EMSY: variants seen among roughly 807,000 people sequenced by gnomAD.
EMSY encodes the protein EMSY transcriptional repressor, BRCA2 interacting, also known as BRCA2-interacting transcriptional repressor EMSY.
In EMSY, 26 loss-of-function variants were observed where a neutral mutation model predicts 134.6. The observed-to-expected ratio is 0.19, with a 90% CI of 0.14 to 0.27. The LOEUF (loss-of-function observed/expected upper bound fraction) is 0.27. Ranked by LOEUF, EMSY falls within the 10% of genes least tolerant of loss-of-function variation. The pLI is 1.00. For missense variants in EMSY, 1,305 were observed against 1,611.4 expected (o/e 0.81, Z 3.26); for synonymous variants, 579 against 577.8 (o/e 1.00, Z -0.03).
chr11:76,513,621 G>T lies in EMSY; in HGVS notation c.1513+86G>T, dbSNP rs960057303. The T allele has an allele frequency of 2.1e-6, 3 of 1,412,410 alleles. No individual in the cohort carries two copies. In the African/African-American group the frequency reaches 4.3e-5, roughly 20 times the overall value. The allele number at this position is 1,412,410 out of a possible 1,614,324, so 87.5% of individuals were successfully genotyped here. On this transcript the variant is annotated intron_variant, in intron 10 of 20. Transcript: ENST00000334736. ...TACCAGCAATATGCTTGACACTTGG[G>T]ATATAGAGATTAATGGGACAGTTTT...
In EMSY at chr11:76,453,402, C is replaced by G; in HGVS notation, c.245+14C>G. Reference sequence around the variant, plus strand: ...AATTGCACATAAGTAAGCCATTAGTCGTACCATCCCTGATTTTTTATGACA... The same window carrying G: ...AATTGCACATAAGTAAGCCATTAGTGGTACCATCCCTGATTTTTTATGACA... On this transcript the variant is annotated intron_variant, in intron 4 of 20. Coordinates refer to ENST00000334736, the Ensembl canonical transcript of EMSY. The G allele has an allele frequency of 6.2e-7, 1 of 1,608,560 alleles. No homozygotes were observed. Among genetic ancestry groups the G allele is most frequent in the Non-Finnish European group, 8.5e-7 (1 of 1,176,322 alleles).
At chr11:76,505,981 T>C (rs1477053602) in intron 9 of EMSY, among the ~76,000 whole-genome samples, 2 of 152,074 alleles carry the variant, frequency 1.3e-5, no homozygotes, top group Non-Finnish European at 2.9e-5. Context: ...CTGGGCAACA[T>C]GGCAAGACCC....
chr11:76,540,387 ACTAT>A (rs1565362107), intron 17 of EMSY, among the ~76,000 whole-genome samples: 1 of 152,092 alleles, frequency 6.6e-6, no homozygotes, highest in Non-Finnish European at 1.5e-5. Flanking sequence ...GTAAACCTTG[ACTAT>A]CTTTTTTTCG....
At position 76,458,197 on chromosome 11, in the gene EMSY, A is replaced by G. The variant is rs751758697; in HGVS notation, c.260A>G (p.Asn87Ser). 1.9e-6 allele frequency: 3 copies of G among 1,613,358 alleles called. No homozygotes were observed. The South Asian group carries it at 3.3e-5, about 18-fold the overall frequency. Residue 87 changes from asparagine (N) to serine (S), a missense_variant, in exon 5 of 21, where the codon AAT becomes AGT. Coordinates refer to ENST00000334736, the Ensembl canonical transcript of EMSY. Reference sequence around the variant, plus strand: ...TTTTTGTTTAGTATGTCTGGACCTAATAGCTCTTCAGAATGGTCCATTGAA... The same window carrying G: ...TTTTTGTTTAGTATGTCTGGACCTAGTAGCTCTTCAGAATGGTCCATTGAA...
intron 9 of EMSY, among the ~76,000 whole-genome samples, chr11:76,502,260 C>T (rs1949892631): frequency 7.8e-6 from 1 of 127,594 alleles, no homozygotes; most frequent in Admixed American, 9.0e-5. Flanking sequence ...CCATATTATA[C>T]CAGAGGCTCA....
chr11:76,523,863 A>T (rs1394384275), intron 12 of EMSY, among the ~76,000 whole-genome samples: 3 of 151,716 alleles, frequency 2.0e-5, no homozygotes, highest in Non-Finnish European at 2.9e-5. Flanking sequence ...TTGGCAACAA[A>T]GCAAGACCCC....
chr11:76,535,187 AAG>A (rs1349859221), intron 14 of EMSY, among the ~76,000 whole-genome samples: 1 of 152,192 alleles, frequency 6.6e-6, no homozygotes, highest in Non-Finnish European at 1.5e-5. Flanking sequence ...TTCTATGAGG[AAG>A]AGAGATAATT....
intron 8 of EMSY, among the ~76,000 whole-genome samples, chr11:76,490,591 C>T (rs1038496985): frequency 1.3e-5 from 2 of 152,078 alleles, no homozygotes; most frequent in African/African-American, 4.8e-5. Flanking sequence ...CTTCCTTGTG[C>T]TATGGTTGTC....
At chr11:76,549,292 T>C (rs1951761815) in intron 20 of EMSY, among the ~76,000 whole-genome samples, 1 of 152,150 alleles carries the variant, frequency 6.6e-6, no homozygotes, top group African/African-American at 2.4e-5. Context: ...GGGTGTTTGG[T>C]TGTATAGTGA....
intron 8 of EMSY, among the ~76,000 whole-genome samples, chr11:76,487,898 C>T (rs776400340): frequency 6.6e-6 from 1 of 152,180 alleles, no homozygotes; most frequent in South Asian, 2.1e-4. Flanking sequence ...TCATTTTACA[C>T]CTGATTTTTT....
At chr11:76,481,826 CAG>C (rs954587644) in intron 8 of EMSY, among the ~76,000 whole-genome samples, 1 of 152,196 alleles carries the variant, frequency 6.6e-6, no homozygotes, top group Non-Finnish European at 1.5e-5. Context: ...ACAGCTTCAG[CAG>C]AGTTAAACGT....
exon 21 of EMSY, chr11:76,550,852 GAC>G (rs1379372512): frequency 6.6e-6 from 1 of 152,322 alleles, no homozygotes; most frequent in African/African-American, 2.4e-5. Context: ...TACTCCTTCT[GAC>G]AAATTTCTTG....
intron 1 of EMSY, among the ~76,000 whole-genome samples, chr11:76,445,743 C>T (rs1947357057): frequency 6.6e-6 from 1 of 152,108 alleles, no homozygotes; most frequent in Non-Finnish European, 1.5e-5. Context: ...GTGCTCGGTT[C>T]GAGCAGTCGC....
At chr11:76,452,546 G>A (rs911271259) in intron 3 of EMSY, among the ~76,000 whole-genome samples, 3 of 152,056 alleles carry the variant, frequency 2.0e-5, no homozygotes, top group Non-Finnish European at 4.4e-5. Context: ...CTGTTTTGTA[G>A]CCTCTTAATT....
intron 8 of EMSY, among the ~76,000 whole-genome samples, chr11:76,491,760 A>T (rs867009094): frequency 6.6e-6 from 1 of 152,246 alleles, no homozygotes; most frequent in Middle Eastern, 3.4e-3. Context: ...CTCAGTGTAG[A>T]TGCTCTCCTC....
rs1187897176 is a variant in EMSY, at chr11:76,496,158, GTAACT to G, written c.1109-55_1109-51del. The G allele has an allele frequency of 3.3e-6, 5 of 1,524,120 alleles. No homozygotes were observed. The African/African-American group carries it at 6.9e-5, about 21-fold the overall frequency. 94.4% of individuals were successfully genotyped at this position (1,524,120 alleles called of 1,614,324 possible). ...CTATTATCTACTATAATAACCAGAAGTAACTTTAATTTTGCTTTCCTATCAAATTC... is the reference window on the plus strand; with the variant it reads ...CTATTATCTACTATAATAACCAGAAGTTAATTTTGCTTTCCTATCAAATTC... On this transcript the variant is annotated intron_variant, in intron 8 of 20. Transcript: ENST00000334736.
chr11:76,488,148 A>AT (rs1371761482), intron 8 of EMSY, among the ~76,000 whole-genome samples: 2 of 152,182 alleles, frequency 1.3e-5, no homozygotes, highest in African/African-American at 2.4e-5. Flanking sequence ...ACAGTAGCCC[A>AT]TTTTTTTGTG....
intron 11 of EMSY, among the ~76,000 whole-genome samples, chr11:76,520,499 T>G (rs1332859908): frequency 6.6e-6 from 1 of 152,144 alleles, no homozygotes; most frequent in African/African-American, 2.4e-5. Flanking sequence ...TTAAAGTTAA[T>G]TAAGAGTTAA....
intron 19 of EMSY, 115 bp downstream of exon 20, chr11:76,544,937 A>G: frequency 1.7e-6 from 2 of 1,163,906 alleles, no homozygotes. Context: ...AGGAAACCCA[A>G]AAGCCTCATT....
Sources: allele counts gnomAD v4.1 joint callset (sites outside exome capture counted in the v4.1 genomes callset), GRCh38; gene constraint gnomAD v4.1.1; transcripts MANE v1.5; gene names NCBI Gene and HGNC (gene_info 2026-07-23, HGNC 2026-07-21).